BLM: variants seen among roughly 807,000 people sequenced by gnomAD.
The protein encoded by BLM is recQ-like DNA helicase BLM.
A neutral mutation model predicts 135.3 loss-of-function variants in BLM; 95 were observed. That is an observed-to-expected ratio of 0.70 (90% confidence interval 0.59 to 0.83). The LOEUF is 0.83. Among genes scored for constraint, BLM ranks in the 40% least tolerant of loss-of-function variants. The pLI, the probability that BLM is intolerant of heterozygous loss-of-function variation, is 0.00. For missense variants in BLM, 1,518 were observed against 1,663.9 expected, an observed-to-expected ratio of 0.91 and a Z score of 1.53; for synonymous variants, 520 against 589.2, an observed-to-expected ratio of 0.88 and a Z score of 1.70.
rs900192398 is a variant in BLM at position 90,765,551 on chromosome 15, C to G, written c.2193+137C>G. 3 of 708,762 alleles carry G rather than the reference C, an allele frequency of 4.2e-6. No individual in the cohort carries two copies. In the African/African-American group the frequency reaches 5.4e-5, roughly 13 times the overall value. 43.9% of individuals were successfully genotyped at this position (708,762 alleles called of 1,614,324 possible). A position where few individuals can be genotyped will look rare whatever the true frequency, so the allele number is the denominator to read the frequency against. On this transcript the variant is annotated intron_variant, in intron 9 of 21. Coordinates refer to ENST00000355112, the MANE Select transcript of BLM (RefSeq NM_000057.4). Reference sequence around the variant, plus strand: ...GTTAAATTTGCAGTTGAACAGAAGTCTGAAAATTTGATACAGATAACCTCT... The same window carrying G: ...GTTAAATTTGCAGTTGAACAGAAGTGTGAAAATTTGATACAGATAACCTCT...
At chr15:90,784,523 A>T (rs192781411) in intron 13 of BLM, among the ~76,000 whole-genome samples, 108 of 151,428 alleles carry the variant, frequency 7.1e-4, no homozygotes, top group African/African-American at 1.7e-3. Flanking sequence ...TTTAGTGAAG[A>T]TAGCTTTTCA....
chr15:90,813,210 T>C (rs948021649), intron 21 of BLM, among the ~76,000 whole-genome samples: 1 of 152,254 alleles, frequency 6.6e-6, no homozygotes, highest in African/African-American at 2.4e-5. Context: ...CTCATCTTTA[T>C]GTATTAGAAC....
At chr15:90,799,611 C>A (rs1897116361) in intron 17 of BLM, among the ~76,000 whole-genome samples, 1 of 117,568 alleles carries the variant, frequency 8.5e-6, no homozygotes. Flanking sequence ...CACTGAATGC[C>A]AAATAAGATG....
Position 90,769,484 on chromosome 15 carries a change from G to C in BLM, c.2453G>C (p.Arg818Pro), listed in dbSNP as rs780514723. ...GATTACAAAAGAATGAATATGCTTC[G>C]CCAGAAGTTTCCTTCTGTTCCGGTG... ...RQDYKRMNMLRQKFPSVPVMA... is the reference protein window; with the variant it reads ...RQDYKRMNMLPQKFPSVPVMA... The change falls in exon 12 of 22, where the codon CGC (arginine) becomes CCC (proline). Residue 818 changes from arginine to proline, a missense_variant. By Grantham distance (103) the Arg-to-Pro change is moderately radical (BLOSUM62 -2). Transcript: ENST00000355112. The C allele has an allele frequency of 6.2e-7, 1 of 1,613,968 alleles. No individual in the cohort carries two copies. Among genetic ancestry groups the C allele is most frequent in the Non-Finnish European group, 8.5e-7 (1 of 1,179,940 alleles).
In BLM at chr15:90,760,725, A is replaced by C. The variant is rs749051692; in HGVS notation, c.1352A>C (p.Lys451Thr). 1.2e-6 allele frequency: 2 copies of C among 1,614,170 alleles called. No homozygotes were observed. Among genetic ancestry groups the C allele is most frequent in the Non-Finnish European group, 1.7e-6 (2 of 1,180,014 alleles). The change falls in exon 7 of 22, where the codon AAG becomes ACG. Residue 451 changes from lysine to threonine, a missense_variant. By Grantham distance (78) the Lys-to-Thr change is moderately conservative. Coordinates refer to ENST00000355112, the MANE Select transcript of BLM (RefSeq NM_000057.4). The stretch of plus-strand genomic sequence containing the variant: ...TCCTGCCCTACAGGGAATTCTATGA[A>C]GGAGTTAAATTTTTCACACCTTCCC... The part of the protein sequence containing the change: ...GDSCPTGNSM[K>T]ELNFSHLPSN...
intron 5 of BLM, among the ~76,000 whole-genome samples, chr15:90,757,244 T>C (rs930680462): frequency 1.5e-5 from 2 of 131,102 alleles, no homozygotes; most frequent in South Asian, 2.3e-4. Context: ...ATTAGAACAA[T>C]GTTTGTCTGT....
rs1365089091 is a variant in BLM at position 90,734,019 on chromosome 15, A to G, written c.-4-13370A>G. Among the ~76,000 whole-genome samples, 5 of 152,212 alleles carry G rather than the reference A, an allele frequency of 3.3e-5. No homozygotes were observed. In the East Asian group the frequency reaches 7.7e-4, roughly 23 times the overall value. Reference sequence around the variant, plus strand: ...ACAAAGAAAATTACAGATGAATATTATGTATAAAAATTATGTAAAAGTTCT... The same window carrying G: ...ACAAAGAAAATTACAGATGAATATTGTGTATAAAAATTATGTAAAAGTTCT... On this transcript the variant is annotated intron_variant, in intron 1 of 21. Transcript: ENST00000355112.
Position 90,744,613 on chromosome 15 carries a change from G to A in BLM, c.-4-2776G>A, listed in dbSNP as rs928770400. ...TCTTGATCTCCTGACCTCATGATCC[G>A]CCCACCTCGGCCTTCCAAAGTGCTG... On this transcript the variant is annotated intron_variant, in intron 1 of 21. Transcript: ENST00000355112. Among the ~76,000 whole-genome samples the A allele has an allele frequency of 1.2e-4, 18 of 151,918 alleles. 1 individual carries two copies. The highest frequency in any genetic ancestry group is 5.8e-4 in the East Asian group (3 of 5,144).
intron 12 of BLM, 74 bp downstream of exon 12, chr15:90,769,660 C>T: frequency 6.5e-7 from 1 of 1,530,072 alleles, no homozygotes; most frequent in Non-Finnish European, 8.9e-7. Flanking sequence ...TTAGAATCAC[C>T]TGTGGCGCTT....
intron 1 of BLM, among the ~76,000 whole-genome samples, chr15:90,745,557 G>A (rs752505302): frequency 6.6e-6 from 1 of 151,898 alleles, no homozygotes; most frequent in East Asian, 1.9e-4. Flanking sequence ...CCACAGGCCC[G>A]CACCACCATG....
intron 5 of BLM, among the ~76,000 whole-genome samples, chr15:90,757,608 GC>G (rs1895852729): frequency 1.3e-5 from 2 of 152,066 alleles, no homozygotes; most frequent in African/African-American, 4.8e-5. Context: ...TTGTGCAGAT[GC>G]CCCTCCTCAC....
chr15:90,812,578 T>A (rs1033204750), intron 21 of BLM, among the ~76,000 whole-genome samples: 1 of 152,194 alleles, frequency 6.6e-6, no homozygotes, highest in African/African-American at 2.4e-5. Flanking sequence ...TCCATCAGTC[T>A]TGAGAACTTG....
At chr15:90,758,737 A>C (rs558976100) in intron 5 of BLM, among the ~76,000 whole-genome samples, 1 of 152,286 alleles carries the variant, frequency 6.6e-6, no homozygotes, top group East Asian at 1.9e-4. Flanking sequence ...TTTCTTTATA[A>C]GGTGACAGAA....
intron 1 of BLM, among the ~76,000 whole-genome samples, chr15:90,726,714 A>C (rs1213923070): frequency 6.6e-6 from 1 of 152,200 alleles, no homozygotes; most frequent in Non-Finnish European, 1.5e-5. Context: ...TCTTTATTCC[A>C]CTTAACACAA....
intron 17 of BLM, among the ~76,000 whole-genome samples, chr15:90,802,519 T>A (rs1459767916): frequency 6.6e-6 from 1 of 152,244 alleles, no homozygotes; most frequent in East Asian, 1.9e-4. Flanking sequence ...GTGTTGTGCT[T>A]TTCTTTTAGA....
chr15:90,769,578 A>T lies in BLM; in HGVS notation c.2547A>T (p.Arg849Ser). The T allele has an allele frequency of 6.2e-7, 1 of 1,613,898 alleles. No homozygotes were observed. The highest frequency in any genetic ancestry group is 8.5e-7 in the Non-Finnish European group (1 of 1,179,854). ...KDILTQLKIL[R>S]PQVFSMSFNR... The stretch of plus-strand genomic sequence containing the variant: ...TCCTGACTCAGCTGAAGATTCTCAG[A>T]CCTCAGGTGTAAGTTGTTGCACGTC... The change falls in exon 12 of 22, where the codon AGA (arginine) becomes AGT (serine). Residue 849 changes from arginine to serine, a missense_variant. Arg to Ser is a moderately radical substitution (Grantham distance 110). Transcript: ENST00000355112.
chr15:90,722,145 T>C (rs1307831498), intron 1 of BLM, among the ~76,000 whole-genome samples: 1 of 151,548 alleles, frequency 6.6e-6, no homozygotes, highest in Non-Finnish European at 1.5e-5. Flanking sequence ...AGTCTCACTC[T>C]CTCTCCCAGT....
chr15:90,749,495 C>T lies in BLM; in HGVS notation c.227C>T (p.Pro76Leu), dbSNP rs774515970. ...NVTEDFSFSE[P>L]LPNTTNQQRV... ...ACCGAAGACTTTTCCTTCAGTGAAC[C>T]TCTACCCAACACCACAAATCAGCAA... The change falls in exon 3 of 22, where the codon CCT becomes CTT. Residue 76 changes from proline to leucine, a missense_variant. Pro to Leu is a moderately conservative substitution (Grantham distance 98, BLOSUM62 -3). This residue lies in a region of BLM where 724 missense variants were observed against 756.9 expected (regional missense o/e 0.96). Transcript: ENST00000355112. 3.1e-6 allele frequency: 5 copies of T among 1,613,938 alleles called. No homozygotes were observed. In the South Asian group the frequency reaches 4.4e-5, roughly 14 times the overall value.
In BLM at chr15:90,790,719, C is replaced by G. The variant is rs1567056595; in HGVS notation, c.2894C>G (p.Ser965Cys). Reference protein sequence around the residue: ...KPDVRFVIHASLPKSVEGYYQ... With the variant: ...KPDVRFVIHACLPKSVEGYYQ... ...GACGTGCGATTTGTGATTCATGCAT[C>G]TCTCCCTAAATCTGTGGAGGGTTAC... The change falls in exon 15 of 22, where the codon TCT becomes TGT. Residue 965 changes from serine to cysteine, a missense_variant. Physicochemically the swap from Ser to Cys is moderately radical, Grantham distance 112 (BLOSUM62 -1). This residue lies in a region of BLM where 626 missense variants were observed against 681.1 expected (regional missense o/e 0.92). Transcript: ENST00000355112. The G allele has an allele frequency of 3.7e-6, 6 of 1,614,016 alleles. No homozygotes were observed. Among genetic ancestry groups the G allele is most frequent in the Non-Finnish European group, 5.1e-6 (6 of 1,180,018 alleles).
Sources: allele counts gnomAD v4.1 joint callset (sites outside exome capture counted in the v4.1 genomes callset), GRCh38; gene constraint gnomAD v4.1.1; regional missense constraint gnomAD v4.1.1; transcripts MANE v1.5; gene names NCBI Gene and HGNC (gene_info 2026-07-23, HGNC 2026-07-21).